Variants in SLC24A3 observed in about 807,000 individuals in gnomAD.
SLC24A3 encodes solute carrier family 24 member 3.
In SLC24A3, 28 loss-of-function variants were observed where a neutral mutation model predicts 75.8. The observed-to-expected ratio is 0.37, with a 90% CI of 0.27 to 0.51. The LOEUF is 0.51. SLC24A3 is among the 20% of genes least tolerant of loss of function. The pLI, the probability that SLC24A3 is intolerant of heterozygous loss-of-function variation, is 0.94. For synonymous variants in SLC24A3, 372 were observed against 334.1 expected, an observed-to-expected ratio of 1.11 and a Z score of -1.24; for missense variants, 663 against 847.8, an observed-to-expected ratio of 0.78 and a Z score of 2.71.
chr20:19,336,671 C>T (rs1985141911), intron 2 of SLC24A3, among the ~76,000 whole-genome samples: 1 of 146,012 alleles, frequency 6.8e-6, no homozygotes, highest in Admixed American at 6.7e-5. Flanking sequence ...GCGTGAGCCA[C>T]TGTGCCCGCC....
intron 7 of SLC24A3, among the ~76,000 whole-genome samples, chr20:19,665,549 G>A (rs973365068): frequency 1.3e-5 from 2 of 152,150 alleles, no homozygotes; most frequent in African/African-American, 4.8e-5. Context: ...TACAAAGCAG[G>A]TTAGTCACAC....
At chr20:19,696,079 A>G (rs1338915780) in intron 13 of SLC24A3, among the ~76,000 whole-genome samples, 2 of 129,394 alleles carry the variant, frequency 1.5e-5, no homozygotes, top group Non-Finnish European at 3.1e-5. Context: ...GTACAATGGC[A>G]CTATCACAGC....
chr20:19,443,197 G>T (rs1475365595), intron 2 of SLC24A3, among the ~76,000 whole-genome samples: 2 of 152,140 alleles, frequency 1.3e-5, no homozygotes, highest in Non-Finnish European at 2.9e-5. Context: ...TCTGGAATCA[G>T]CTTGTTCATA....
intron 2 of SLC24A3, among the ~76,000 whole-genome samples, chr20:19,379,565 G>A (rs183213837): frequency 1.8e-4 from 27 of 152,272 alleles, no homozygotes; most frequent in Admixed American, 1.5e-3. Flanking sequence ...CTGTCCATGG[G>A]CCATGGTGAC....
At chr20:19,379,675 TA>T (rs1172093378) in intron 2 of SLC24A3, among the ~76,000 whole-genome samples, 12 of 152,046 alleles carry the variant, frequency 7.9e-5, no homozygotes, top group South Asian at 4.2e-4. Context: ...CATAATAGTA[TA>T]AAAAATGATT....
chr20:19,617,508 TA>T (rs1371767108), intron 6 of SLC24A3, among the ~76,000 whole-genome samples: 2 of 152,114 alleles, frequency 1.3e-5, no homozygotes, highest in Admixed American at 1.3e-4. Flanking sequence ...CTGGCCTTGG[TA>T]TCACAGTATT....
chr20:19,282,888 A>G (rs1038600065), intron 2 of SLC24A3, among the ~76,000 whole-genome samples: 2 of 152,204 alleles, frequency 1.3e-5, no homozygotes, highest in African/African-American at 4.8e-5. Context: ...ATGTAGAAGC[A>G]TAAAGCACAT....
rs193111988 is a variant in SLC24A3 at position 19,695,176 on chromosome 20, C to T, written c.1492-1621C>T. ...CTCTATGGATTTCACTCACATCCCC[C>T]CAATCTTTGAACAGGGAAGGAGCGA... is the stretch of plus-strand genomic sequence containing the variant. On this transcript the variant is annotated intron_variant, in intron 13 of 16. Transcript: ENST00000328041. 2.0e-5 allele frequency among the ~76,000 whole-genome samples: 3 copies of T among 152,186 alleles called. No homozygotes were observed. In the South Asian group the frequency reaches 6.2e-4, roughly 32 times the overall value.
At chr20:19,325,771 T>TAC (rs1984831946) in intron 2 of SLC24A3, among the ~76,000 whole-genome samples, 1 of 68,502 alleles carries the variant, frequency 1.5e-5, no homozygotes, top group South Asian at 5.6e-4. Flanking sequence ...CATACATATA[T>TAC]ATATACATAT....
intron 2 of SLC24A3, among the ~76,000 whole-genome samples, chr20:19,432,396 T>G (rs1048277408): frequency 7.3e-5 from 11 of 151,720 alleles, no homozygotes; most frequent in African/African-American, 2.7e-4. Flanking sequence ...AATGCCTGAT[T>G]AATTTGAAAG....
At chr20:19,644,237 C>G (rs959526891) in intron 6 of SLC24A3, among the ~76,000 whole-genome samples, 1 of 152,150 alleles carries the variant, frequency 6.6e-6, no homozygotes, top group East Asian at 1.9e-4. Context: ...CGGGGAGGGC[C>G]GTGGACCTCC....
intron 1 of SLC24A3, among the ~76,000 whole-genome samples, chr20:19,226,865 G>A (rs529936348): frequency 2.8e-4 from 43 of 152,278 alleles, no homozygotes; most frequent in African/African-American, 1.0e-3. Context: ...CTTTGATTAT[G>A]TCATAACTTA....
chr20:19,247,801 A>G (rs928545115), intron 1 of SLC24A3, among the ~76,000 whole-genome samples: 1 of 152,236 alleles, frequency 6.6e-6, no homozygotes, highest in African/African-American at 2.4e-5. Flanking sequence ...AAATGTGAAC[A>G]CTAGAAAATT....
intron 2 of SLC24A3, among the ~76,000 whole-genome samples, chr20:19,443,157 C>T (rs1452189924): frequency 6.6e-6 from 1 of 152,094 alleles, no homozygotes; most frequent in African/African-American, 2.4e-5. Context: ...TGTGTTGGCT[C>T]TTCTGGGTCT....
At chr20:19,409,311 G>A (rs919229216) in intron 2 of SLC24A3, among the ~76,000 whole-genome samples, 3 of 152,324 alleles carry the variant, frequency 2.0e-5, no homozygotes, top group Non-Finnish European at 2.9e-5. Flanking sequence ...GGAAACAGCT[G>A]CAGGGATAGT....
intron 2 of SLC24A3, among the ~76,000 whole-genome samples, chr20:19,350,557 C>A (rs1253593337): frequency 6.6e-6 from 1 of 152,160 alleles, no homozygotes; most frequent in African/African-American, 2.4e-5. Context: ...TGCCACTACG[C>A]CTGCCAGACA....
intron 2 of SLC24A3, among the ~76,000 whole-genome samples, chr20:19,423,895 G>C (rs1271335983): frequency 6.6e-6 from 1 of 152,164 alleles, no homozygotes; most frequent in African/African-American, 2.4e-5. Flanking sequence ...ATGGAGGTAG[G>C]CACCCAAGCC....
intron 2 of SLC24A3, among the ~76,000 whole-genome samples, chr20:19,508,358 A>T (rs1988489975): frequency 1.3e-5 from 2 of 152,256 alleles, no homozygotes; most frequent in South Asian, 4.1e-4. Flanking sequence ...TGGTATTCTG[A>T]TGGCTGCAGC....
At chr20:19,638,940 A>G (rs1326184718) in intron 6 of SLC24A3, among the ~76,000 whole-genome samples, 3 of 152,116 alleles carry the variant, frequency 2.0e-5, no homozygotes, top group Non-Finnish European at 2.9e-5. Flanking sequence ...GGACCCAAAG[A>G]GTGAGCAGTA....
Sources: gnomAD v4.1 joint callset for allele counts (sites outside exome capture counted in the v4.1 genomes callset) on GRCh38, gnomAD v4.1.1 for gene constraint, MANE v1.5 for transcripts, NCBI Gene and HGNC (gene_info 2026-07-23, HGNC 2026-07-21) for gene names.